The following VPS53 variants were observed in gnomAD, a reference collection of about 807,000 sequenced individuals.
VPS53 encodes the protein vacuolar protein sorting-associated protein 53 homolog.
Under a neutral mutation model 107.0 loss-of-function variants are expected in VPS53, and 70 were observed. The ratio of observed to expected loss-of-function variants is 0.65; its 90% confidence interval spans 0.54 to 0.80. VPS53 has a LOEUF of 0.80. VPS53 is among the 30% of genes least tolerant of loss of function. The pLI is 0.00. For synonymous variants in VPS53, 409 were observed against 393.3 expected (o/e 1.04, Z -0.47); for missense variants, 917 against 1,049.4 (o/e 0.87, Z 1.74).
intron 13 of VPS53, among the ~76,000 whole-genome samples, chr17:577,650 G>A (rs1280700203): frequency 6.9e-6 from 1 of 144,666 alleles, no homozygotes; most frequent in East Asian, 2.1e-4. Context: ...CCCTCACAAA[G>A]TAATGCATTT....
intron 18 of VPS53, among the ~76,000 whole-genome samples, chr17:535,355 C>A (rs930857958): frequency 6.6e-6 from 1 of 151,646 alleles, no homozygotes; most frequent in African/African-American, 2.4e-5. Context: ...TTCACTTTAA[C>A]GTAAGCTCAA....
chr17:653,481 C>A, intron 6 of VPS53, 71 bp from the exon 7 acceptor site: 1 of 1,600,926 alleles, frequency 6.2e-7, no homozygotes, highest in Non-Finnish European at 8.5e-7. Context: ...CAGAACAACC[C>A]ACGCTAGCTC....
intron 12 of VPS53, among the ~76,000 whole-genome samples, chr17:594,457 GCCCCCCC>G (rs1567658874): frequency 2.7e-5 from 4 of 149,718 alleles, no homozygotes; most frequent in Non-Finnish European, 4.5e-5. Context: ...GCACTCTAGT[GCCCCCCC>G]TGGAGGAAGC....
intron 4 of VPS53, among the ~76,000 whole-genome samples, chr17:662,828 AGAAAGAAAGGAAGG>A (rs1383800928): frequency 1.0e-5 from 1 of 96,384 alleles, no homozygotes; most frequent in Non-Finnish European, 2.4e-5. Flanking sequence ...AAAGAGAAAG[AGAAAGAAAGGAAGG>A]AAGGAAGGAA....
At position 579,912 on chromosome 17, in the gene VPS53, T is replaced by C. The variant is rs936361204; in HGVS notation, c.1313+6358A>G. Among the ~76,000 whole-genome samples the C allele has an allele frequency of 1.3e-4, 20 of 150,922 alleles. No individual in the cohort carries two copies. The East Asian group carries it at 3.4e-3, about 26-fold the overall frequency. On this transcript the variant is annotated intron_variant, in intron 13 of 21. Coordinates refer to ENST00000437048, the MANE Select transcript of VPS53 (RefSeq NM_001128159.3). ...CCAGAGAACCACCGTCAGGACCTAA[T>C]GTGGTCCCAGAGAACATCCCTCAGA...
intron 13 of VPS53, among the ~76,000 whole-genome samples, chr17:569,710 G>C (rs543847442): frequency 4.6e-5 from 7 of 152,182 alleles, no homozygotes; most frequent in African/African-American, 1.7e-4. Context: ...CTTGAGGTCA[G>C]GAGTTCCAAA....
chr17:559,991 T>C (rs1282457401), intron 15 of VPS53, among the ~76,000 whole-genome samples: 1 of 152,214 alleles, frequency 6.6e-6, no homozygotes, highest in East Asian at 1.9e-4. Context: ...GCCATGTAAA[T>C]TTCAGAAGAC....
At chr17:687,574 CAA>C (rs1051720595) in intron 4 of VPS53, among the ~76,000 whole-genome samples, 12 of 89,416 alleles carry the variant, frequency 1.3e-4, no homozygotes, top group Admixed American at 2.5e-4. Context: ...GACTCAGTCT[CAA>C]AAAAAAAAAA....
chr17:573,938 A>C (rs1459328193), intron 13 of VPS53, among the ~76,000 whole-genome samples: 1 of 152,232 alleles, frequency 6.6e-6, no homozygotes, highest in Non-Finnish European at 1.5e-5. Context: ...TGAAGGGAAG[A>C]AGCAGTTCCT....
At chr17:633,672 G>A (rs1567693631) in intron 7 of VPS53, among the ~76,000 whole-genome samples, 1 of 152,232 alleles carries the variant, frequency 6.6e-6, no homozygotes, top group East Asian at 1.9e-4. Flanking sequence ...AGCCTTTTGA[G>A]TCAGTTTTCA....
chr17:610,941 A>G (rs1315409431), intron 11 of VPS53, among the ~76,000 whole-genome samples: 1 of 144,136 alleles, frequency 6.9e-6, no homozygotes, highest in African/African-American at 2.5e-5. Context: ...CTGTCTCAAG[A>G]AAAAAAAAAA....
At chr17:614,776 T>C (rs975609088) in intron 11 of VPS53, among the ~76,000 whole-genome samples, 1 of 152,204 alleles carries the variant, frequency 6.6e-6, no homozygotes, top group Non-Finnish European at 1.5e-5. Context: ...GGCTGACAAT[T>C]GTACCCATAT....
chr17:523,337 T>G (rs1430271728), intron 19 of VPS53: 2 of 152,398 alleles, frequency 1.3e-5, no homozygotes, highest in Non-Finnish European at 2.9e-5. Flanking sequence ...ACCACTCAAC[T>G]CCGGTGATAA....
chr17:605,385 C>A (rs1968517777), intron 11 of VPS53, among the ~76,000 whole-genome samples: 1 of 152,088 alleles, frequency 6.6e-6, no homozygotes, highest in Admixed American at 6.5e-5. Context: ...AGGCAAAACC[C>A]AAGGAAGGGT....
intron 4 of VPS53, among the ~76,000 whole-genome samples, chr17:683,417 A>G (rs904116715): frequency 6.6e-6 from 1 of 152,214 alleles, no homozygotes; most frequent in Non-Finnish European, 1.5e-5. Flanking sequence ...TCCTAAACCA[A>G]GCAAAAATAT....
intron 11 of VPS53, among the ~76,000 whole-genome samples, chr17:606,245 G>A (rs1968572459): frequency 2.0e-5 from 3 of 152,144 alleles, no homozygotes; most frequent in Admixed American, 1.3e-4. Flanking sequence ...CAACTGCACG[G>A]CTGATGTTGC....
At position 559,243 on chromosome 17, in the gene VPS53, T is replaced by C. The variant is rs1298944934; in HGVS notation, c.1704+1183A>G. 3.3e-5 allele frequency among the ~76,000 whole-genome samples: 5 copies of C among 152,314 alleles called. No homozygotes were observed. In the East Asian group the frequency reaches 9.6e-4, roughly 29 times the overall value. On this transcript the variant is annotated intron_variant, in intron 15 of 21. Coordinates refer to ENST00000437048, the MANE Select transcript of VPS53 (RefSeq NM_001128159.3). ...TTGAAAAAATACCCCAAATTGCTAA[T>C]ATGATTATTTGAGGATGATGGGATT...
chr17:596,076 T>C (rs1967959127), intron 12 of VPS53, among the ~76,000 whole-genome samples: 1 of 152,280 alleles, frequency 6.6e-6, no homozygotes, highest in East Asian at 1.9e-4. Flanking sequence ...ATCAGTACAC[T>C]GTACCTCGCT....
At chr17:654,486 C>T (rs1248303582) in intron 6 of VPS53, among the ~76,000 whole-genome samples, 1 of 151,806 alleles carries the variant, frequency 6.6e-6, no homozygotes, top group Non-Finnish European at 1.5e-5. Flanking sequence ...AGCCTGTAAT[C>T]CCAGCACTTT....
Sources: allele counts gnomAD v4.1 joint callset (sites outside exome capture counted in the v4.1 genomes callset), GRCh38; gene constraint gnomAD v4.1.1; transcripts MANE v1.5; gene names NCBI Gene and HGNC (gene_info 2026-07-23, HGNC 2026-07-21).